CDH18: variants seen among roughly 807,000 people sequenced by gnomAD.
CDH18 encodes the protein cadherin 18.
Under a neutral mutation model 67.9 loss-of-function variants are expected in CDH18, and 31 were observed. The ratio of observed to expected loss-of-function variants is 0.46; its 90% CI spans 0.34 to 0.62. The LOEUF is 0.62. Among genes scored for constraint, CDH18 ranks in the 20% least tolerant of loss-of-function variants. CDH18 has a pLI of 0.01. For synonymous variants in CDH18, 362 were observed against 347.2 expected, an observed-to-expected ratio of 1.04 and a Z score of -0.48; for missense variants, 890 against 975.5, an observed-to-expected ratio of 0.91 and a Z score of 1.17.
intron 1 of CDH18, among the ~76,000 whole-genome samples, chr5:20,395,355 CCACGTGTTCCCACTTAT>C (rs1238184653): frequency 6.6e-6 from 1 of 152,080 alleles, no homozygotes; most frequent in Non-Finnish European, 1.5e-5. Flanking sequence ...AAACCAAATA[CCACGTGTTCCCACTTAT>C]TAAGTGGGAA....
In CDH18 at chr5:19,787,308, C is replaced by T. The variant is rs568502644; in HGVS notation, c.229-40072G>A. On this transcript the variant is annotated intron_variant, in intron 3 of 12. Transcript: ENST00000382275. ...TCTCTACTAAAAATACAAAATTAGC[C>T]GGGCGTGGTGGTGCGCACCTGTAGT... 9.9e-5 allele frequency among the ~76,000 whole-genome samples: 15 copies of T among 152,028 alleles called. 1 individual carries two copies. Among genetic ancestry groups the T allele is most frequent in the South Asian group, 4.1e-4 (2 of 4,826 alleles).
intron 6 of CDH18, among the ~76,000 whole-genome samples, chr5:19,602,376 A>T (rs1469491809): frequency 1.3e-5 from 2 of 152,144 alleles, no homozygotes; most frequent in African/African-American, 4.8e-5. Flanking sequence ...CTAACAAAAA[A>T]TGTGTGCACT....
chr5:20,555,317 C>T (rs1354975143), intron 1 of CDH18, among the ~76,000 whole-genome samples: 1 of 143,494 alleles, frequency 7.0e-6, no homozygotes, highest in Non-Finnish European at 1.5e-5. Context: ...CTATGAGAAA[C>T]AAATTGTCTG....
At chr5:20,509,912 T>G (rs1754922300) in intron 1 of CDH18, among the ~76,000 whole-genome samples, 1 of 152,192 alleles carries the variant, frequency 6.6e-6, no homozygotes. Context: ...TACCCAGTAG[T>G]GGGATTGCCA....
intron 2 of CDH18, among the ~76,000 whole-genome samples, chr5:20,215,271 T>A (rs1274890499): frequency 6.6e-6 from 1 of 151,840 alleles, no homozygotes; most frequent in Non-Finnish European, 1.5e-5. Flanking sequence ...AGCAATAAAA[T>A]GAATAAGGTA....
chr5:20,018,857 C>T (rs997715454), intron 2 of CDH18, among the ~76,000 whole-genome samples: 57 of 141,786 alleles, frequency 4.0e-4, no homozygotes, highest in Non-Finnish European at 7.6e-4. Flanking sequence ...TGCAGTGGCG[C>T]GATCTCGACT....
At chr5:20,330,359 A>G (rs1739049444) in intron 1 of CDH18, among the ~76,000 whole-genome samples, 1 of 152,100 alleles carries the variant, frequency 6.6e-6, no homozygotes, top group African/African-American at 2.4e-5. Context: ...CCCTGCCACC[A>G]GTAATATCAG....
At chr5:20,043,755 T>C (rs1241782473) in intron 2 of CDH18, among the ~76,000 whole-genome samples, 1 of 152,192 alleles carries the variant, frequency 6.6e-6, no homozygotes, top group Non-Finnish European at 1.5e-5. Flanking sequence ...TGTGGGATAG[T>C]TCTAAAGGAA....
intron 1 of CDH18, among the ~76,000 whole-genome samples, chr5:20,360,482 C>T (rs1178072731): frequency 1.3e-5 from 2 of 152,134 alleles, no homozygotes; most frequent in Non-Finnish European, 2.9e-5. Context: ...GGCATCATTC[C>T]TACTTACAAT....
At chr5:20,019,478 G>T (rs985669180) in intron 2 of CDH18, among the ~76,000 whole-genome samples, 3 of 152,246 alleles carry the variant, frequency 2.0e-5, no homozygotes, top group East Asian at 1.9e-4. Context: ...GATCATGGGG[G>T]CCAATTTGCC....
chr5:20,071,213 G>A (rs1413890462), intron 2 of CDH18, among the ~76,000 whole-genome samples: 1 of 152,070 alleles, frequency 6.6e-6, no homozygotes. Context: ...TTGTGCATCA[G>A]TGTATTTTTT....
chr5:19,489,498 T>C (rs1400537618), intron 11 of CDH18, among the ~76,000 whole-genome samples: 9 of 152,092 alleles, frequency 5.9e-5, no homozygotes, highest in South Asian at 4.2e-4. Context: ...CTGCCCCCCT[T>C]GGCCTCCCAT....
chr5:20,260,724 T>G (rs1744587877), intron 1 of CDH18, among the ~76,000 whole-genome samples: 1 of 152,158 alleles, frequency 6.6e-6, no homozygotes, highest in South Asian at 2.1e-4. Context: ...ATTATAAGAC[T>G]CCACCATAGC....
At chr5:20,394,644 T>C (rs1483383237) in intron 1 of CDH18, among the ~76,000 whole-genome samples, 2 of 151,998 alleles carry the variant, frequency 1.3e-5, no homozygotes, top group African/African-American at 4.8e-5. Context: ...AGTGAACATA[T>C]AACCCAAAGA....
chr5:20,499,865 C>T (rs1160220920), intron 1 of CDH18, among the ~76,000 whole-genome samples: 1 of 152,108 alleles, frequency 6.6e-6, no homozygotes, highest in Non-Finnish European at 1.5e-5. Context: ...AATTGCCATT[C>T]CAAGTATATA....
At chr5:19,783,764 A>C (rs1349816647) in intron 3 of CDH18, among the ~76,000 whole-genome samples, 1 of 152,178 alleles carries the variant, frequency 6.6e-6, no homozygotes, top group Non-Finnish European at 1.5e-5. Context: ...AATGTCTGAC[A>C]TTGAGTACTA....
intron 8 of CDH18, 41 bp downstream of exon 8, chr5:19,571,538 T>G (rs751631400): frequency 1.1e-5 from 17 of 1,560,460 alleles, no homozygotes; most frequent in Non-Finnish European, 1.5e-5. Context: ...TGAGAGGCAA[T>G]AAAAATCTTT....
rs191102557 is a variant in CDH18, at chr5:20,336,640, G to A, written c.-579-81135C>T. ...CTGGAGGCTGAGGCAGGAGAATGGCGTGAACCCGGGAGGCATAGCTTCTCA... is the reference window on the plus strand; with the variant it reads ...CTGGAGGCTGAGGCAGGAGAATGGCATGAACCCGGGAGGCATAGCTTCTCA... On this transcript the variant is annotated intron_variant, in intron 1 of 14. Coordinates refer to the CDH18 transcript ENST00000507958. 5.9e-3 allele frequency among the ~76,000 whole-genome samples: 867 copies of A among 146,876 alleles called. 4 individuals carry two copies. Among genetic ancestry groups the A allele is most frequent in the South Asian group, 0.026 (120 of 4,636 alleles).
chr5:20,061,801 A>G (rs1167425394), intron 2 of CDH18, among the ~76,000 whole-genome samples: 4 of 152,180 alleles, frequency 2.6e-5, no homozygotes, highest in Non-Finnish European at 4.4e-5. Flanking sequence ...CTGTTAAACA[A>G]AGTCTACCTT....
Sources: allele counts gnomAD v4.1 joint callset (sites outside exome capture counted in the v4.1 genomes callset), GRCh38; gene constraint gnomAD v4.1.1; transcripts MANE v1.5; gene names NCBI Gene and HGNC (gene_info 2026-07-23, HGNC 2026-07-21).